ASB10: variants seen among roughly 807,000 people sequenced by gnomAD.
The protein encoded by ASB10 is ankyrin repeat and SOCS box containing 10, also known as ankyrin repeat and SOCS box protein 10.
A neutral mutation model predicts 35.4 loss-of-function variants in ASB10; 44 were observed. The ratio of observed to expected loss-of-function variants is 1.24; its 90% CI spans 0.98 to 1.60. The LOEUF (loss-of-function observed/expected upper bound fraction) is 1.60, where lower values mean the gene tolerates loss of function less well. Among genes scored for constraint, ASB10 ranks in the 40% most tolerant of loss-of-function variants. The probability of loss-of-function intolerance (pLI) is 0.00; values close to 1 mark genes in which losing one functional copy is unlikely to be tolerated. For missense variants in ASB10, 647 were observed against 634.3 expected (o/e 1.02, Z -0.22); for synonymous variants, 294 against 280.4 (o/e 1.05, Z -0.49).
In ASB10 at chr7:151,186,915, G is replaced by A. The variant is rs150418732; in HGVS notation, c.216C>T (p.Arg72=). The change falls in exon 1 of 6, where the codon CGC becomes CGT. Residue 72 remains arginine (R), a synonymous_variant. Coordinates refer to ENST00000420175, the MANE Select transcript of ASB10 (RefSeq NM_001142459.2). ...VLAGDVGCVS[R]ILADSSTGLA... is the part of the protein sequence containing the mutation. ...GGCCAGTACTGGAGTCCGCGAGGATGCGGGAGACACAGCCCACGTCCCCAG... is the reference window on the plus strand; with the variant it reads ...GGCCAGTACTGGAGTCCGCGAGGATACGGGAGACACAGCCCACGTCCCCAG... 36 of 1,614,038 alleles carry A rather than the reference G, an allele frequency of 2.2e-5. No individual in the cohort carries two copies. The African/African-American group carries it at 3.3e-4, about 15-fold the overall frequency.
At chr7:151,182,699 G>T (rs917119988) in intron 2 of ASB10, among the ~76,000 whole-genome samples, 1 of 152,210 alleles carries the variant, frequency 6.6e-6, no homozygotes, top group African/African-American at 2.4e-5. Context: ...ACGGGACTTG[G>T]CCTCTTTGAG....
rs201751554 is a variant in ASB10, at chr7:151,187,104, C to A, written c.27G>T (p.Glu9Asp). The change falls in exon 1 of 6, where the codon GAG becomes GAT. Residue 9 changes from glutamate to aspartate, a missense_variant. Glu to Asp is a conservative substitution (Grantham distance 45, BLOSUM62 2). Transcript: ENST00000420175. This position sits in a 1 kb window ranked among gnomAD's most constrained non-coding sequence, Gnocchi z 5.3. MLMSWSPE[E>D]CKGQGEPLDD... Reference sequence around the variant, plus strand: ...CGAGGGGCTCTCCCTGCCCCTTGCACTCTTCTGGAGACCAACTCATGAGCA... The same window carrying A: ...CGAGGGGCTCTCCCTGCCCCTTGCAATCTTCTGGAGACCAACTCATGAGCA... The A allele has an allele frequency of 6.7e-5, 107 of 1,597,258 alleles. No individual in the cohort carries two copies. The highest frequency in any genetic ancestry group is 3.3e-4 in the Middle Eastern group (2 of 6,070).
At chr7:151,184,114 TAGAA>T (rs1801542424) in intron 2 of ASB10, among the ~76,000 whole-genome samples, 2 of 151,904 alleles carry the variant, frequency 1.3e-5, no homozygotes, top group Admixed American at 1.3e-4. Context: ...TATTCAGCCT[TAGAA>T]AGGAAGGAAA....
intron 2 of ASB10, among the ~76,000 whole-genome samples, chr7:151,182,716 T>C (rs1801517493): frequency 6.6e-6 from 1 of 152,178 alleles, no homozygotes; most frequent in South Asian, 2.1e-4. Context: ...TGAGCTCCTG[T>C]TCCCTCGTGT....
At chr7:151,184,449 G>A (rs1341097631) in intron 2 of ASB10, among the ~76,000 whole-genome samples, 1 of 151,702 alleles carries the variant, frequency 6.6e-6, no homozygotes, top group Non-Finnish European at 1.5e-5. Flanking sequence ...GGACAACATG[G>A]GTGAAGTCTG....
At chr7:151,187,643 C>T, upstream of ASB10, 1 of 1,533,216 alleles carries the variant, frequency 6.5e-7, no homozygotes, top group Non-Finnish European at 8.8e-7. This position sits in a 1 kb window ranked among gnomAD's most constrained non-coding sequence, Gnocchi z 5.3. Context: ...GTGGGGCCTC[C>T]AGATCCGGCA....
At chr7:151,176,507 G>C (rs1448355525) in intron 4 of ASB10, 56 bp downstream of exon 4, 14 of 1,511,276 alleles carry the variant, frequency 9.3e-6, no homozygotes, top group Non-Finnish European at 1.3e-5. Context: ...GGTTTAGCGG[G>C]TGGGAGTCTT....
chr7:151,186,934 T>C lies in ASB10; in HGVS notation c.197A>G (p.Asp66Gly), dbSNP rs1584819867. The C allele has an allele frequency of 6.2e-7, 1 of 1,613,034 alleles. No homozygotes were observed. Residue 66 changes from aspartate to glycine, a missense_variant, in exon 1 of 6, where the codon GAC becomes GGC. Coordinates refer to ENST00000420175, the MANE Select transcript of ASB10 (RefSeq NM_001142459.2). ...LAFWQAVLAG[D>G]VGCVSRILAD... ...GAGGATGCGGGAGACACAGCCCACG[T>C]CCCCAGCCAGCACTGCCTGCCAGAA...
At chr7:151,185,645 T>C (rs908306478) in intron 2 of ASB10, among the ~76,000 whole-genome samples, 2 of 152,206 alleles carry the variant, frequency 1.3e-5, no homozygotes, top group Non-Finnish European at 2.9e-5. Context: ...AGACAAGACC[T>C]GCAGGTGTGC....
At chr7:151,187,368 C>A (rs562388862), upstream of ASB10, 116 of 1,541,120 alleles carry the variant, frequency 7.5e-5, no homozygotes, top group South Asian at 1.3e-3. The surrounding 1 kb of genome is among the most constrained non-coding windows in gnomAD (Gnocchi z 5.3). Flanking sequence ...GGGGCTTCTC[C>A]TTTCACTCAA....
At position 151,181,332 on chromosome 7, in the gene ASB10, C is replaced by G; in HGVS notation, c.711G>C (p.Arg237=). Residue 237 remains arginine (R), a synonymous_variant, in exon 3 of 6, where the codon CGG becomes CGC. Coordinates refer to ENST00000420175, the MANE Select transcript of ASB10 (RefSeq NM_001142459.2). ...HVELADLLLR[R]GACPDARNAE... is the part of the protein sequence containing the mutation. ...CATTGCGGGCATCAGGACATGCCCC[C>G]CGTCTTAGAAGCAGATCTGCCAGCT... The G allele has an allele frequency of 6.2e-7, 1 of 1,613,222 alleles. No individual in the cohort carries two copies. Among genetic ancestry groups the G allele is most frequent in the Non-Finnish European group, 8.5e-7 (1 of 1,179,966 alleles).
intron 4 of ASB10, 131 bp from the exon 5 acceptor site, chr7:151,176,428 G>A: frequency 6.8e-7 from 1 of 1,461,070 alleles, no homozygotes; most frequent in Non-Finnish European, 9.1e-7. Flanking sequence ...GAATGTTTGA[G>A]TGTTCACTCT....
In ASB10 at chr7:151,186,874, A is replaced by G. The variant is rs769271373; in HGVS notation, c.257T>C (p.Val86Ala). The change falls in exon 1 of 6, where the codon GTC becomes GCC. Residue 86 changes from valine to alanine, a missense_variant. Val to Ala is a moderately conservative substitution (Grantham distance 64). Transcript: ENST00000420175. ...TCGCTCTGGGTCGCTGGTATCAAAG[A>G]CGGAATCAGGAGCCAGGCCAGTACT... Reference protein sequence around the residue: ...DSSTGLAPDSVFDTSDPERWR... With the variant: ...DSSTGLAPDSAFDTSDPERWR... 6.2e-6 allele frequency: 10 copies of G among 1,613,192 alleles called. No homozygotes were observed. The South Asian group carries it at 1.1e-4, about 18-fold the overall frequency.
chr7:151,178,262 G>A (rs569540099), intron 3 of ASB10, among the ~76,000 whole-genome samples: 1 of 152,258 alleles, frequency 6.6e-6, no homozygotes, highest in Non-Finnish European at 1.5e-5. Flanking sequence ...AAAAAAAAAA[G>A]TAGGGTCAGG....
In ASB10 at chr7:151,181,199, A is replaced by G. The variant is rs774216301; in HGVS notation, c.844T>C (p.Ser282Pro). The change falls in exon 3 of 6, where the codon TCA becomes CCA. Residue 282 changes from serine (S) to proline (P), a missense_variant. By Grantham distance (74) the Ser-to-Pro change is moderately conservative. Coordinates refer to ENST00000420175, the MANE Select transcript of ASB10 (RefSeq NM_001142459.2). Reference sequence around the variant, plus strand: ...GCAGCATCAGCGTCTGCTCCAGCTGAAAGCAGCAAGCTGCACAGCTGCAGG... The same window carrying G: ...GCAGCATCAGCGTCTGCTCCAGCTGGAAGCAGCAAGCTGCACAGCTGCAGG... Reference protein sequence around the residue: ...RCLQLCSLLLSAGADADAADQ... With the variant: ...RCLQLCSLLLPAGADADAADQ... 2 of 1,612,486 alleles carry G rather than the reference A, an allele frequency of 1.2e-6. No homozygotes were observed. Among genetic ancestry groups the G allele is most frequent in the Non-Finnish European group, 1.7e-6 (2 of 1,179,578 alleles).
intron 3 of ASB10, among the ~76,000 whole-genome samples, chr7:151,179,051 C>T (rs946470748): frequency 6.6e-6 from 1 of 152,206 alleles, no homozygotes; most frequent in African/African-American, 2.4e-5. Flanking sequence ...CATCAACCTG[C>T]TTCACTCCCA....
intron 2 of ASB10, among the ~76,000 whole-genome samples, chr7:151,185,671 G>GTGT (rs1801575893): frequency 6.6e-6 from 1 of 152,096 alleles, no homozygotes; most frequent in Non-Finnish European, 1.5e-5. Flanking sequence ...GTAGAGAGAG[G>GTGT]GCCTCTATAG....
In ASB10 at chr7:151,181,289, G is replaced by A. The variant is rs1584814575; in HGVS notation, c.754C>T (p.Leu252=). 12 of 1,613,218 alleles carry A rather than the reference G, an allele frequency of 7.4e-6. No homozygotes were observed. The highest frequency in any genetic ancestry group is 1.0e-5 in the Non-Finnish European group (12 of 1,180,016). Residue 252 remains leucine (L), a synonymous_variant, in exon 3 of 6, where the codon CTG becomes TTG. Coordinates refer to ENST00000420175, the MANE Select transcript of ASB10 (RefSeq NM_001142459.2). Reference sequence around the variant, plus strand: ...CAGCGGACGTCACAGGCAGCCAGCAGTGGGGTCCAGCCTTCGGCATTGCGG... The same window carrying A: ...CAGCGGACGTCACAGGCAGCCAGCAATGGGGTCCAGCCTTCGGCATTGCGG... ...DARNAEGWTP[L]LAACDVRCQS...
intron 2 of ASB10, among the ~76,000 whole-genome samples, chr7:151,186,097 A>G (rs1801583026): frequency 6.6e-6 from 1 of 152,236 alleles, no homozygotes. Context: ...AATTTTAAGC[A>G]ACACCACCTC....
Sources: gnomAD v4.1 joint callset for allele counts (sites outside exome capture counted in the v4.1 genomes callset) on GRCh38, gnomAD v4.1.1 for gene constraint, Gnocchi (gnomAD v3.1) non-coding constraint, MANE v1.5 for transcripts, NCBI Gene and HGNC (gene_info 2026-07-23, HGNC 2026-07-21) for gene names.